The following NRDE2 variants were observed in gnomAD, a reference collection of about 807,000 sequenced individuals.
NRDE2 encodes NRDE-2, necessary for RNA interference, domain containing, also known as nuclear exosome regulator NRDE2.
NRDE2 carries 76 observed loss-of-function variants against 124.2 expected under a neutral mutation model. The observed-to-expected ratio is 0.61, with a 90% CI of 0.51 to 0.74. The LOEUF (loss-of-function observed/expected upper bound fraction) is 0.74, where lower values mean the gene tolerates loss of function less well. Ranked by LOEUF, NRDE2 falls within the 30% of genes least tolerant of loss-of-function variation. NRDE2 has a pLI of 0.00. For synonymous variants in NRDE2, 489 were observed against 528.1 expected (o/e 0.93, Z 1.01); for missense variants, 1,314 against 1,417.3 (o/e 0.93, Z 1.17).
rs1891700087 is a variant in NRDE2, at chr14:90,272,645, C to CCA, written c.*5689_*5690dup. 1 of 381,010 alleles carries CCA rather than the reference C, an allele frequency of 2.6e-6. No individual in the cohort carries two copies. The highest frequency in any genetic ancestry group is 5.0e-6 in the Non-Finnish European group (1 of 201,440). The allele number at this position is 381,010 out of a possible 1,614,324, so 23.6% of individuals were successfully genotyped here. A position where few individuals can be genotyped will look rare whatever the true frequency, so the allele number is the denominator to read the frequency against. On this transcript the variant is annotated 3_prime_UTR_variant, in exon 14 of 14. Transcript: ENST00000354366. The surrounding 1 kb of genome is among the most constrained non-coding windows in gnomAD (Gnocchi z 4.5). Reference sequence around the variant, plus strand: ...CAAACACTTCCTGTTTCTGCAGTCTCCACACACACCTACCGCTCAACAGCA... The same window carrying CCA: ...CAAACACTTCCTGTTTCTGCAGTCTCCACACACACACCTACCGCTCAACAGCA...
intron 1 of NRDE2, among the ~76,000 whole-genome samples, chr14:90,324,591 G>A (rs551552973): frequency 2.1e-4 from 31 of 149,496 alleles, no homozygotes; most frequent in South Asian, 4.2e-4. Flanking sequence ...GAGGAGAATC[G>A]TTTGAGCCCT....
chr14:90,301,263 C>T lies in NRDE2; in HGVS notation c.1521G>A (p.Val507=), dbSNP rs3825661. The T allele has an allele frequency of 0.7, 1,121,602 of 1,612,614 alleles. 391,496 individuals are homozygous for T. The highest frequency in any genetic ancestry group is 0.79 in the East Asian group (35,252 of 44,810). ...CCTGTCCTTTGGTAGGCAGATCTTTCACGCTGTCGGGTTTGAAGAAGGTGA... is the reference window on the plus strand; with the variant it reads ...CCTGTCCTTTGGTAGGCAGATCTTTTACGCTGTCGGGTTTGAAGAAGGTGA... ...VDFTFFKPDS[V]KDLPTKGQVE... Residue 507 remains valine, a synonymous_variant, in exon 7 of 14, where the codon GTG becomes GTA. Transcript: ENST00000354366.
At chr14:90,315,335 C>T (rs931507741) in intron 3 of NRDE2, among the ~76,000 whole-genome samples, 1 of 151,802 alleles carries the variant, frequency 6.6e-6, no homozygotes, top group East Asian at 1.9e-4. Context: ...CGTACCACTG[C>T]ACTCCAGCCT....
intron 2 of NRDE2, among the ~76,000 whole-genome samples, 165 bp from the exon 3 acceptor site, chr14:90,316,976 T>C (rs1318319322): frequency 6.6e-6 from 1 of 152,210 alleles, no homozygotes; most frequent in Non-Finnish European, 1.5e-5. Context: ...ACACCTCACC[T>C]GCAAGACTTA....
intron 12 of NRDE2, chr14:90,280,700 G>T (rs1349076247): frequency 6.6e-6 from 1 of 152,224 alleles, no homozygotes; most frequent in Non-Finnish European, 1.5e-5. Context: ...ACCTCTGACT[G>T]GCGCAGTCTC....
intron 13 of NRDE2, 51 bp downstream of exon 13, chr14:90,279,011 C>A (rs376916377): frequency 6.5e-5 from 86 of 1,321,862 alleles, no homozygotes; most frequent in Non-Finnish European, 8.9e-5. Flanking sequence ...GGACGGAGAC[C>A]TGGCGGGAAG....
At chr14:90,282,773 T>C (rs929937525) in intron 12 of NRDE2, among the ~76,000 whole-genome samples, 8 of 152,140 alleles carry the variant, frequency 5.3e-5, no homozygotes, top group African/African-American at 1.9e-4. Flanking sequence ...GTTCAAGTGA[T>C]TCTCCTGCCT....
chr14:90,274,523 G>A lies in NRDE2; in HGVS notation c.*3813C>T, dbSNP rs1891750807. The A allele has an allele frequency of 6.7e-6, 1 of 150,132 alleles. No individual in the cohort carries two copies. The highest frequency in any genetic ancestry group is 1.5e-5 in the Non-Finnish European group (1 of 67,338). The allele number at this position is 150,132 out of a possible 1,614,324, so 9.3% of individuals were successfully genotyped here. ...ACCCCAACTGCAGTGAGCACCCCTA[G>A]ACCCAGACCTTTGCTGCTAAAAGTA... On this transcript the variant is annotated 3_prime_UTR_variant, in exon 14 of 14. Transcript: ENST00000354366.
At chr14:90,328,304 CAAA>C (rs60360850) in intron 1 of NRDE2, among the ~76,000 whole-genome samples, 7 of 88,690 alleles carry the variant, frequency 7.9e-5, no homozygotes, top group Non-Finnish European at 4.8e-5. Context: ...ACTCTGTCTC[CAAA>C]AAAAAAAAAA....
At chr14:90,292,290 G>A (rs182685665) in intron 9 of NRDE2, among the ~76,000 whole-genome samples, 1 of 152,330 alleles carries the variant, frequency 6.6e-6, no homozygotes, top group African/African-American at 2.4e-5. Context: ...ACCCAAGAGT[G>A]GGGTGGGGAA....
At chr14:90,303,212 C>T (rs1884469871) in intron 5 of NRDE2, 87 bp from the exon 6 acceptor site, 1 of 1,266,912 alleles carries the variant, frequency 7.9e-7, no homozygotes, top group Admixed American at 2.7e-5. Context: ...TCTTACCACC[C>T]CCTAGGGACT....
rs964488801 is a variant in NRDE2 at position 90,328,807 on chromosome 14, G to A, written c.64+3034C>T. On this transcript the variant is annotated intron_variant, in intron 1 of 13. Coordinates refer to ENST00000354366, the MANE Select transcript of NRDE2 (RefSeq NM_017970.4). ...GAAACATTTACAGGACAAATGACAC[G>A]GTTTCCTCAACAGATCGATCACATG... 1.3e-4 allele frequency among the ~76,000 whole-genome samples: 20 copies of A among 152,278 alleles called. No homozygotes were observed. In the South Asian group the frequency reaches 2.5e-3, roughly 19 times the overall value.
rs115751853 is a variant in NRDE2, at chr14:90,294,661, A to G, written c.1667-1789T>C. On this transcript the variant is annotated intron_variant, in intron 8 of 13. Transcript: ENST00000354366. ...ATTCATAGAGACAGAAAGTAGAATG[A>G]CTGCTGGGGCCTGGGGGGAGGGAGA... Among the ~76,000 whole-genome samples the G allele has an allele frequency of 5.1e-3, 782 of 152,220 alleles. 5 individuals are homozygous for G. Among genetic ancestry groups the G allele is most frequent in the African/African-American group, 0.018 (745 of 41,528 alleles).
intron 1 of NRDE2, among the ~76,000 whole-genome samples, chr14:90,323,835 T>C (rs1395052654): frequency 6.6e-6 from 1 of 152,186 alleles, no homozygotes; most frequent in Non-Finnish European, 1.5e-5. Flanking sequence ...AAACTGGCTG[T>C]TTCTTGGTTG....
chr14:90,321,904 G>T (rs964549796), intron 1 of NRDE2, among the ~76,000 whole-genome samples: 4 of 152,238 alleles, frequency 2.6e-5, no homozygotes, highest in Admixed American at 1.3e-4. Context: ...CTCTCTAGTT[G>T]GGAGTTCAGA....
chr14:90,298,847 A>C (rs1022830602), intron 7 of NRDE2, among the ~76,000 whole-genome samples: 5 of 152,142 alleles, frequency 3.3e-5, no homozygotes, highest in Admixed American at 1.3e-4. Context: ...GCTAATTCCT[A>C]AAGTCATGCC....
Position 90,269,725 on chromosome 14 carries a change from G to C in NRDE2, c.*8611C>G. ...GAGGGTTAAAACAGAGCATGATATG[G>C]TCTGTGCACCTTGGCCCTTTGAATT... On this transcript the variant is annotated 3_prime_UTR_variant, in exon 14 of 14. Coordinates refer to ENST00000354366, the MANE Select transcript of NRDE2 (RefSeq NM_017970.4). The C allele has an allele frequency of 8.4e-6, 5 of 598,510 alleles. No individual in the cohort carries two copies. Among genetic ancestry groups the C allele is most frequent in the Non-Finnish European group, 1.4e-5 (5 of 358,698 alleles). The allele number at this position is 598,510 out of a possible 1,614,324, so 37.1% of individuals were successfully genotyped here.
At chr14:90,331,134 G>C (rs1265970301) in intron 1 of NRDE2, among the ~76,000 whole-genome samples, 1 of 152,026 alleles carries the variant, frequency 6.6e-6, no homozygotes, top group Non-Finnish European at 1.5e-5. Context: ...GATCATGATG[G>C]TCATGAACTC....
chr14:90,289,228 G>A (rs1892203771), intron 10 of NRDE2, 83 bp from the exon 11 acceptor site: 2 of 1,110,854 alleles, frequency 1.8e-6, no homozygotes, highest in Non-Finnish European at 2.6e-6. Flanking sequence ...GCACTGACAG[G>A]AAAAAAGGCG....
Sources: allele counts gnomAD v4.1 joint callset (sites outside exome capture counted in the v4.1 genomes callset), GRCh38; gene constraint gnomAD v4.1.1; non-coding constraint Gnocchi (gnomAD v3.1); transcripts MANE v1.5; gene names NCBI Gene and HGNC (gene_info 2026-07-23, HGNC 2026-07-21).